The following NCALD variants were observed in gnomAD, a reference collection of about 807,000 sequenced individuals.
NCALD encodes the protein neurocalcin-delta.
A neutral mutation model predicts 18.6 loss-of-function variants in NCALD; 10 were observed. The observed-to-expected ratio is 0.54, with a 90% CI of 0.33 to 0.91. NCALD has a LOEUF of 0.91. NCALD is among the 40% of genes least tolerant of loss of function. NCALD has a pLI of 0.03. For synonymous variants in NCALD, 88 were observed against 87.4 expected, an observed-to-expected ratio of 1.01 and a Z score of -0.04; for missense variants, 184 against 247.6, an observed-to-expected ratio of 0.74 and a Z score of 1.72.
chr8:101,722,208 C>T (rs1267673747), intron 1 of NCALD, among the ~76,000 whole-genome samples: 1 of 152,142 alleles, frequency 6.6e-6, no homozygotes, highest in Non-Finnish European at 1.5e-5. Context: ...AAATGGAGAA[C>T]AAATGGAATT....
intron 2 of NCALD, among the ~76,000 whole-genome samples, chr8:101,717,819 T>C (rs1205116225): frequency 1.3e-5 from 2 of 152,200 alleles, no homozygotes; most frequent in Non-Finnish European, 2.9e-5. Flanking sequence ...TGTGAGATCC[T>C]ACAGTAAATT....
intron 3 of NCALD, among the ~76,000 whole-genome samples, chr8:101,893,058 T>G (rs1487163783): frequency 4.0e-5 from 6 of 150,116 alleles, no homozygotes; most frequent in Non-Finnish European, 7.4e-5. Flanking sequence ...AGACACATAA[T>G]TGTCAGATTC....
chr8:102,057,675 A>C (rs1031307150), intron 1 of NCALD, among the ~76,000 whole-genome samples: 10 of 152,204 alleles, frequency 6.6e-5, no homozygotes, highest in African/African-American at 2.4e-4. Context: ...TATTCTTCCC[A>C]GTTTGGGTTA....
At chr8:101,952,907 C>T (rs1444240318) in intron 2 of NCALD, among the ~76,000 whole-genome samples, 1 of 152,036 alleles carries the variant, frequency 6.6e-6, no homozygotes, top group Non-Finnish European at 1.5e-5. Context: ...CTGTCAGAGG[C>T]AATAGCAAGA....
chr8:101,885,750 A>C (rs1421939994), intron 4 of NCALD, among the ~76,000 whole-genome samples: 1 of 152,218 alleles, frequency 6.6e-6, no homozygotes, highest in Non-Finnish European at 1.5e-5. Flanking sequence ...GACAGAAATG[A>C]CTAGAAGCCA....
chr8:102,103,026 CAT>C (rs1262866184), intron 1 of NCALD, among the ~76,000 whole-genome samples: 2 of 152,160 alleles, frequency 1.3e-5, no homozygotes, highest in Non-Finnish European at 2.9e-5. Context: ...TCCTGGGAAA[CAT>C]ATTGTCGGGT....
At chr8:101,692,998 T>C in intron 2 of NCALD, 102 bp from the exon 3 acceptor site, 1 of 809,696 alleles carries the variant, frequency 1.2e-6, no homozygotes. Flanking sequence ...AATGTCCCCA[T>C]CCGCATTGGA....
At chr8:101,757,465 C>T (rs1404913262) in intron 1 of NCALD, among the ~76,000 whole-genome samples, 1 of 152,182 alleles carries the variant, frequency 6.6e-6, no homozygotes, top group Non-Finnish European at 1.5e-5. Context: ...GGCCAGTCAT[C>T]TCTAGTTTCT....
chr8:101,791,105 C>T (rs1812427956), upstream of NCALD: 1 of 152,236 alleles, frequency 6.6e-6, no homozygotes, highest in South Asian at 2.1e-4. Flanking sequence ...AATAGGTCAT[C>T]TGTCACTGTG....
intron 1 of NCALD, among the ~76,000 whole-genome samples, chr8:102,048,787 A>T (rs186684309): frequency 3.9e-5 from 6 of 152,314 alleles, no homozygotes; most frequent in South Asian, 4.1e-4. Context: ...CAAAACAATG[A>T]CTTCAGTGGG....
chr8:101,782,494 T>C (rs1375710117), intron 1 of NCALD, among the ~76,000 whole-genome samples: 1 of 152,172 alleles, frequency 6.6e-6, no homozygotes, highest in Non-Finnish European at 1.5e-5. Flanking sequence ...CTCCCAGCTT[T>C]CCCCAGCTTC....
At chr8:101,883,695 C>T (rs1177165222) in intron 4 of NCALD, among the ~76,000 whole-genome samples, 2 of 152,198 alleles carry the variant, frequency 1.3e-5, no homozygotes, top group African/African-American at 4.8e-5. Flanking sequence ...AATAACCACA[C>T]TTACATGCAA....
At chr8:101,786,530 T>C (rs973239641) in intron 1 of NCALD, among the ~76,000 whole-genome samples, 35 of 152,320 alleles carry the variant, frequency 2.3e-4, no homozygotes, top group Middle Eastern at 6.8e-3. Flanking sequence ...CTGATCATGG[T>C]TTGAGTTATA....
intron 4 of NCALD, among the ~76,000 whole-genome samples, chr8:101,865,773 T>C (rs1026813159): frequency 6.6e-6 from 1 of 152,216 alleles, no homozygotes; most frequent in African/African-American, 2.4e-5. Context: ...TTACTCAGTG[T>C]CATTGTATTT....
chr8:101,794,578 G>A (rs535985387), upstream of NCALD, among the ~76,000 whole-genome samples: 10 of 152,240 alleles, frequency 6.6e-5, no homozygotes, highest in Non-Finnish European at 7.3e-5. Flanking sequence ...TGTATTTAAC[G>A]GTTCTTGCTG....
At chr8:101,990,475 A>G (rs577901529) in intron 2 of NCALD, among the ~76,000 whole-genome samples, 2 of 152,218 alleles carry the variant, frequency 1.3e-5, no homozygotes, top group African/African-American at 4.8e-5. Flanking sequence ...CTTGAATTGT[A>G]GCTCCCACAA....
At chr8:101,830,830 T>C (rs924637271) in intron 4 of NCALD, among the ~76,000 whole-genome samples, 2 of 149,650 alleles carry the variant, frequency 1.3e-5, no homozygotes, top group African/African-American at 2.5e-5. Context: ...AAGCTCCGCC[T>C]CCCGGTTCAC....
intron 2 of NCALD, among the ~76,000 whole-genome samples, chr8:101,983,500 G>A (rs1211250562): frequency 6.6e-6 from 1 of 152,176 alleles, no homozygotes; most frequent in Non-Finnish European, 1.5e-5. Context: ...TTTCTTAGTA[G>A]AGAGAAACTT....
chr8:101,787,441 T>C (rs1432409535), intron 1 of NCALD, among the ~76,000 whole-genome samples: 3 of 152,200 alleles, frequency 2.0e-5, no homozygotes, highest in Non-Finnish European at 4.4e-5. Flanking sequence ...CAAAATGTCA[T>C]AGCTCCCATT....
Sources: allele counts gnomAD v4.1 joint callset (sites outside exome capture counted in the v4.1 genomes callset), GRCh38; gene constraint gnomAD v4.1.1; transcripts MANE v1.5; gene names NCBI Gene and HGNC (gene_info 2026-07-23, HGNC 2026-07-21).